DCAF8L2: variants seen among roughly 807,000 people sequenced by gnomAD.
DCAF8L2 encodes the protein DDB1 and CUL4 associated factor 8 like 2.
For missense variants in DCAF8L2, 430 were observed against 490.7 expected (o/e 0.88, Z 1.17); for synonymous variants, 200 against 190.9 (o/e 1.05, Z -0.39).
the DCAF8L2 span, among the ~76,000 whole-genome samples, chrX:27,488,214 G>A: frequency 9.0e-6 from 1 of 110,511 alleles, no homozygotes; most frequent in Non-Finnish European, 1.9e-5. Flanking sequence ...TATCTCCATG[G>A]CATTTTACCT....
chrX:27,733,825 A>G (rs1204962241), intron 4 of DCAF8L2, among the ~76,000 whole-genome samples: 2 of 111,632 alleles, frequency 1.8e-5, no homozygotes, highest in Admixed American at 1.9e-4. Flanking sequence ...CCTTATCAAA[A>G]ATTAGTTGAT....
the DCAF8L2 span, among the ~76,000 whole-genome samples, chrX:27,510,475 C>T: frequency 2.0e-5 from 2 of 101,129 alleles, no homozygotes; most frequent in Admixed American, 1.1e-4. Context: ...TTGTAATATG[C>T]TTAACAAAGA....
At chrX:27,634,713 T>C (rs1307002607) in intron 2 of DCAF8L2, among the ~76,000 whole-genome samples, 1 of 111,055 alleles carries the variant, frequency 9.0e-6, no homozygotes, top group Non-Finnish European at 1.9e-5. Flanking sequence ...CCTCAGGTGA[T>C]GGATCACAGT....
chrX:27,500,427 T>C, the DCAF8L2 span, among the ~76,000 whole-genome samples: 27 of 111,923 alleles, frequency 2.4e-4, no homozygotes, highest in East Asian at 7.3e-3. Context: ...AAGGAAATAA[T>C]TTTTTATACA....
At chrX:27,483,639 G>A in the DCAF8L2 span, among the ~76,000 whole-genome samples, 723 of 110,829 alleles carry the variant, frequency 6.5e-3, 3 homozygotes, top group African/African-American at 0.018. Context: ...ACATCGTTTG[G>A]GTGTCTGAGT....
intron 1 of DCAF8L2, among the ~76,000 whole-genome samples, chrX:27,600,306 G>A (rs967181288): frequency 5.4e-5 from 6 of 112,072 alleles, no homozygotes; most frequent in African/African-American, 1.3e-4. Flanking sequence ...ATGTTAAAAT[G>A]TACAATATTA....
chrX:27,583,559 C>T, the DCAF8L2 span, among the ~76,000 whole-genome samples: 375 of 111,249 alleles, frequency 3.4e-3, 1 homozygote, highest in African/African-American at 0.011. Flanking sequence ...CCCTAAGCCC[C>T]GGGCCATGGA....
At chrX:27,630,831 G>A (rs186210759) in intron 1 of DCAF8L2, among the ~76,000 whole-genome samples, 143 of 112,204 alleles carry the variant, frequency 1.3e-3, no homozygotes, top group African/African-American at 4.3e-3. Context: ...GTGAGGCCCC[G>A]TTTCCCAATT....
chrX:27,506,898 G>T, the DCAF8L2 span, among the ~76,000 whole-genome samples: 7 of 111,223 alleles, frequency 6.3e-5, no homozygotes, highest in African/African-American at 2.3e-4. Flanking sequence ...TCCAAGTAAT[G>T]TCACATTCCA....
the DCAF8L2 span, among the ~76,000 whole-genome samples, chrX:27,471,646 C>T: frequency 8.9e-6 from 1 of 111,738 alleles, no homozygotes; most frequent in Non-Finnish European, 1.9e-5. Flanking sequence ...AACCACTTCT[C>T]TTCATACTCT....
chrX:27,703,174 A>C (rs5926484), intron 3 of DCAF8L2, among the ~76,000 whole-genome samples: 55,786 of 110,143 alleles, frequency 0.51, 10,626 homozygotes, highest in African/African-American at 0.66. Context: ...ATTGCAAAAC[A>C]GTTCGACAGA....
At chrX:27,533,160 GAGAGAGAAAGAAAGAAAGAAAGAAAGAA>G in the DCAF8L2 span, among the ~76,000 whole-genome samples, 866 of 41,532 alleles carry the variant, frequency 0.021, 33 homozygotes, top group African/African-American at 0.046. Context: ...GAGAGAGAGA[GAGAGAGAAAGAAAGAAAGAAAGAAAGAA>G]AGAAAGAAAG....
intron 2 of DCAF8L2, among the ~76,000 whole-genome samples, chrX:27,638,619 T>G (rs890579990): frequency 9.0e-6 from 1 of 111,548 alleles, no homozygotes; most frequent in African/African-American, 3.3e-5. Context: ...AAATGTGTGT[T>G]TAATAAAGGT....
At chrX:27,524,362 G>T in the DCAF8L2 span, among the ~76,000 whole-genome samples, 1 of 111,944 alleles carries the variant, frequency 8.9e-6, no homozygotes, top group Non-Finnish European at 1.9e-5. Flanking sequence ...ATTTCTGTGG[G>T]ATCAGTGGTG....
At chrX:27,616,055 A>T (rs1927460923) in intron 1 of DCAF8L2, among the ~76,000 whole-genome samples, 1 of 111,261 alleles carries the variant, frequency 9.0e-6, no homozygotes, top group Non-Finnish European at 1.9e-5. Context: ...TGTGAAACTA[A>T]ACTGAATACC....
intron 1 of DCAF8L2, among the ~76,000 whole-genome samples, chrX:27,598,180 A>T (rs1007458285): frequency 8.9e-6 from 1 of 112,885 alleles, no homozygotes; most frequent in South Asian, 3.6e-4. Context: ...GAAATGGCTG[A>T]AAAGAACAAT....
the DCAF8L2 span, among the ~76,000 whole-genome samples, chrX:27,564,728 G>A: frequency 2.3e-5 from 1 of 43,325 alleles, no homozygotes; most frequent in Non-Finnish European, 5.9e-5. Flanking sequence ...CAAACCTTTT[G>A]TCAATGAAAA....
the DCAF8L2 span, among the ~76,000 whole-genome samples, chrX:27,472,661 C>T: frequency 9.0e-6 from 1 of 111,389 alleles, no homozygotes; most frequent in African/African-American, 3.3e-5. Context: ...TCTGTTTCTG[C>T]GTTAGTTTGC....
the DCAF8L2 span, among the ~76,000 whole-genome samples, chrX:27,581,798 T>G: frequency 1.8e-5 from 2 of 111,398 alleles, no homozygotes; most frequent in South Asian, 7.5e-4. Flanking sequence ...TGGCCAGGCT[T>G]GTCTCAAACT....
Sources: allele counts gnomAD v4.1 joint callset (sites outside exome capture counted in the v4.1 genomes callset), GRCh38; gene constraint gnomAD v4.1.1; transcripts MANE v1.5; gene names NCBI Gene and HGNC (gene_info 2026-07-23, HGNC 2026-07-21).